Variants in PRELID2 observed in about 807,000 individuals in gnomAD.
PRELID2 encodes the protein PRELI domain containing 2.
A neutral mutation model predicts 28.4 loss-of-function variants in PRELID2; 25 were observed. The observed-to-expected ratio is 0.88, with a 90% CI of 0.64 to 1.23. The LOEUF (loss-of-function observed/expected upper bound fraction) is 1.23. Ranked by LOEUF, PRELID2 falls within the 50% of genes most tolerant of loss-of-function variation. The pLI is 0.00. For missense variants in PRELID2, 201 were observed against 214.4 expected, an observed-to-expected ratio of 0.94 and a Z score of 0.39; for synonymous variants, 76 against 71.6, an observed-to-expected ratio of 1.06 and a Z score of -0.31.
At chr5:145,657,510 C>T (rs187220946) in intron 1 of PRELID2, among the ~76,000 whole-genome samples, 1 of 152,148 alleles carries the variant, frequency 6.6e-6, no homozygotes, top group African/African-American at 2.4e-5. Flanking sequence ...ATGGAAAAAG[C>T]CTGTCTTCAC....
the PRELID2 span, among the ~76,000 whole-genome samples, chr5:145,298,140 A>G: frequency 6.6e-6 from 1 of 152,166 alleles, no homozygotes; most frequent in Non-Finnish European, 1.5e-5. Flanking sequence ...ATATGGAACC[A>G]AAAAAGAGCC....
chr5:145,416,548 C>G, the PRELID2 span, among the ~76,000 whole-genome samples: 1 of 152,002 alleles, frequency 6.6e-6, no homozygotes, highest in Non-Finnish European at 1.5e-5. Flanking sequence ...CTGAATGACT[C>G]TTGGGTAAAT....
chr5:145,738,081 C>T lies in PRELID2; in HGVS notation n.70+26850G>A, dbSNP rs1044821490. Among the ~76,000 whole-genome samples the T allele has an allele frequency of 2.6e-5, 4 of 152,234 alleles. No individual in the cohort carries two copies. In the South Asian group the frequency reaches 8.3e-4, roughly 32 times the overall value. On this transcript the variant is annotated intron_variant and non_coding_transcript_variant, in intron 1 of 2. Transcript: ENST00000510259. Reference sequence around the variant, plus strand: ...GATATCAGTGGAGTCTAGTGGGAAACCAGAACTCCCACTCCCATCAAATGG... The same window carrying T: ...GATATCAGTGGAGTCTAGTGGGAAATCAGAACTCCCACTCCCATCAAATGG...
chr5:145,518,923 A>C lies in PRELID2; in HGVS notation n.71-45608T>G, dbSNP rs1752541601. On this transcript the variant is annotated intron_variant and non_coding_transcript_variant, in intron 1 of 2. Transcript: ENST00000510259. Reference sequence around the variant, plus strand: ...GGTTGAGAAACTTGCTCTATGGTAAACTCAATTTTGACCTTAATATTTCCC... The same window carrying C: ...GGTTGAGAAACTTGCTCTATGGTAACCTCAATTTTGACCTTAATATTTCCC... 2.6e-5 allele frequency among the ~76,000 whole-genome samples: 4 copies of C among 152,086 alleles called. No individual in the cohort carries two copies. The South Asian group carries it at 8.3e-4, about 32-fold the overall frequency.
chr5:145,724,839 C>T (rs1756097978), intron 1 of PRELID2, among the ~76,000 whole-genome samples: 1 of 149,914 alleles, frequency 6.7e-6, no homozygotes, highest in Admixed American at 6.7e-5. Context: ...GACCTCCAGG[C>T]TCAAGCAATC....
At chr5:145,667,165 A>G (rs1754611088) in intron 1 of PRELID2, among the ~76,000 whole-genome samples, 1 of 152,096 alleles carries the variant, frequency 6.6e-6, no homozygotes, top group Non-Finnish European at 1.5e-5. Context: ...GGAAAAGTCT[A>G]AGAAGATTGT....
chr5:145,464,252 C>T, the PRELID2 span, among the ~76,000 whole-genome samples: 1 of 152,000 alleles, frequency 6.6e-6, no homozygotes, highest in Non-Finnish European at 1.5e-5. Context: ...ATCGAGCATC[C>T]CTTATGCAAA....
At chr5:145,424,200 C>T in the PRELID2 span, among the ~76,000 whole-genome samples, 10 of 152,008 alleles carry the variant, frequency 6.6e-5, no homozygotes, top group Admixed American at 5.2e-4. Flanking sequence ...TTTGTCTGTG[C>T]CCTGCCCCCA....
the PRELID2 span, among the ~76,000 whole-genome samples, chr5:145,349,287 TA>T: frequency 4.6e-5 from 7 of 152,308 alleles, no homozygotes; most frequent in Middle Eastern, 3.4e-3. Context: ...AATTTTTAAA[TA>T]TTTTTTTTCA....
intron 1 of PRELID2, among the ~76,000 whole-genome samples, chr5:145,559,860 A>C (rs1469414963): frequency 6.6e-6 from 1 of 151,816 alleles, no homozygotes; most frequent in Non-Finnish European, 1.5e-5. Flanking sequence ...AAGAAGAAGA[A>C]GAAGAAGAAA....
the PRELID2 span, among the ~76,000 whole-genome samples, chr5:145,238,262 A>G: frequency 1.3e-5 from 2 of 152,152 alleles, no homozygotes; most frequent in Non-Finnish European, 2.9e-5. Flanking sequence ...TCACTTATCC[A>G]TATAAGGTAA....
chr5:145,662,228 TAAAGA>T (rs1263452472), intron 1 of PRELID2, among the ~76,000 whole-genome samples: 1 of 151,910 alleles, frequency 6.6e-6, no homozygotes, highest in Non-Finnish European at 1.5e-5. Context: ...TGGCAACAAG[TAAAGA>T]AATCATAGAG....
At chr5:145,390,795 T>C in the PRELID2 span, among the ~76,000 whole-genome samples, 1 of 152,056 alleles carries the variant, frequency 6.6e-6, no homozygotes. Flanking sequence ...TATGAGCCTA[T>C]AAAATCAAAA....
At chr5:145,667,745 A>G (rs1247798206) in intron 1 of PRELID2, among the ~76,000 whole-genome samples, 1 of 152,058 alleles carries the variant, frequency 6.6e-6, no homozygotes, top group African/African-American at 2.4e-5. Context: ...CTAGGTCTAC[A>G]TCTGTTAAAT....
intron 1 of PRELID2, among the ~76,000 whole-genome samples, chr5:145,680,607 C>CA (rs1754913775): frequency 6.6e-6 from 1 of 152,110 alleles, no homozygotes. Context: ...GACAGAGATG[C>CA]AAAAACAATC....
the PRELID2 span, among the ~76,000 whole-genome samples, chr5:145,439,602 C>T: frequency 2.6e-5 from 4 of 152,010 alleles, no homozygotes; most frequent in Admixed American, 6.6e-5. Flanking sequence ...TTGATGCCTC[C>T]CTATCTTGAC....
chr5:145,417,023 A>T, the PRELID2 span, among the ~76,000 whole-genome samples: 1 of 151,770 alleles, frequency 6.6e-6, no homozygotes, highest in African/African-American at 2.4e-5. Context: ...TAGACACATA[A>T]AGAAGAAGAG....
the PRELID2 span, among the ~76,000 whole-genome samples, chr5:145,430,727 G>A: frequency 1.3e-5 from 2 of 152,126 alleles, no homozygotes; most frequent in Admixed American, 1.3e-4. Flanking sequence ...CTCGTTTCAT[G>A]AACATGCATG....
At chr5:145,649,863 ACTGT>A (rs1754259108) in intron 1 of PRELID2, among the ~76,000 whole-genome samples, 2 of 151,996 alleles carry the variant, frequency 1.3e-5, no homozygotes, top group Non-Finnish European at 2.9e-5. Flanking sequence ...GGTGGTTTTC[ACTGT>A]CTGTTTTTAT....
Sources: gnomAD v4.1 joint callset for allele counts (sites outside exome capture counted in the v4.1 genomes callset) on GRCh38, gnomAD v4.1.1 for gene constraint, MANE v1.5 for transcripts, NCBI Gene and HGNC (gene_info 2026-07-23, HGNC 2026-07-21) for gene names.